GNRH2: variants seen among roughly 807,000 people sequenced by gnomAD.
GNRH2 encodes gonadotropin releasing hormone 2, also known as progonadoliberin-2.
GNRH2 carries 15 observed loss-of-function variants against 12.1 expected under a neutral mutation model. The observed-to-expected ratio is 1.24, with a 90% CI of 0.83 to 1.90. GNRH2 has a LOEUF of 1.90. Ranked by LOEUF, GNRH2 falls within the 40% of genes most tolerant of loss-of-function variation. The pLI is 0.00. For missense variants in GNRH2, 143 were observed against 141.4 expected (o/e 1.01, Z -0.06); for synonymous variants, 60 against 62.0 (o/e 0.97, Z 0.15).
rs753427330 is a variant in GNRH2 at position 3,044,444 on chromosome 20, CCTG to C, written c.40_42del (p.Leu14del). Reference sequence around the variant, plus strand: ...CCAGCTCCAGGCGAGGCCTCCTGCTCCTGCTGCTGCTGACTGCCCACCTTGGAC... The same window carrying C: ...CCAGCTCCAGGCGAGGCCTCCTGCTCCTGCTGCTGACTGCCCACCTTGGAC... On this transcript the variant is annotated inframe_deletion, in exon 2 of 4. Transcript: ENST00000359100. The C allele has an allele frequency of 1.2e-6, 2 of 1,612,316 alleles. No individual in the cohort carries two copies. Among genetic ancestry groups the C allele is most frequent in the Admixed American group, 1.7e-5 (1 of 60,020 alleles).
At chr20:3,044,625 C>T (rs2148554456) in intron 2 of GNRH2, 57 bp downstream of exon 2, 1 of 1,608,464 alleles carries the variant, frequency 6.2e-7, no homozygotes, top group South Asian at 1.1e-5. Flanking sequence ...GGCTCCCCCA[C>T]CCTCCTGGAG....
chr20:3,045,240 A>G (rs1486776857), intron 3 of GNRH2, among the ~76,000 whole-genome samples: 2 of 152,304 alleles, frequency 1.3e-5, no homozygotes, highest in Non-Finnish European at 1.5e-5. Flanking sequence ...AACAGGGCCA[A>G]GAGGACCAGG....
chr20:3,044,657 A>G (rs955556241), intron 2 of GNRH2, 43 bp from the exon 3 acceptor site: 22 of 1,605,404 alleles, frequency 1.4e-5, no homozygotes, highest in Non-Finnish European at 1.8e-5. Flanking sequence ...GGTAGGGAGG[A>G]CAGCATCAGT....
At chr20:3,044,862 A>AT in intron 3 of GNRH2, 26 bp downstream of exon 3, 1 of 1,580,472 alleles carries the variant, frequency 6.3e-7, no homozygotes, top group Non-Finnish European at 8.7e-7. Flanking sequence ...GGTCCCCAGC[A>AT]TCAAGACCAG....
chr20:3,044,939 CACT>C, intron 3 of GNRH2, 103 bp downstream of exon 3: 2 of 877,622 alleles, frequency 2.3e-6, no homozygotes, highest in Admixed American at 4.7e-5. Flanking sequence ...AATGAAACAC[CACT>C]GAGATGCCCC....
intron 3 of GNRH2, 45 bp from the exon 4 acceptor site, chr20:3,045,641 C>G (rs776242208): frequency 2.0e-6 from 3 of 1,538,440 alleles, no homozygotes; most frequent in Non-Finnish European, 1.8e-6. Flanking sequence ...TCGGCGGTTA[C>G]GAGACCAGTG....
chr20:3,044,312 G>A, intron 1 of GNRH2, 96 bp from the exon 2 acceptor site: 1 of 931,898 alleles, frequency 1.1e-6, no homozygotes. Flanking sequence ...TACCAAAGCT[G>A]CCCCTGAGAT....
intron 1 of GNRH2, 86 bp from the exon 2 acceptor site, chr20:3,044,322 T>G: frequency 9.4e-7 from 1 of 1,069,454 alleles, no homozygotes; most frequent in South Asian, 1.3e-5. Context: ...GCCCCTGAGA[T>G]GCCAGTTTTC....
intron 3 of GNRH2, among the ~76,000 whole-genome samples, chr20:3,045,183 C>T: frequency 6.6e-6 from 1 of 151,962 alleles, no homozygotes; most frequent in African/African-American, 2.4e-5. Context: ...TGGACAGACC[C>T]CAGGCCAGTG....
At chr20:3,045,652 T>C in intron 3 of GNRH2, 34 bp from the exon 4 acceptor site, 1 of 1,583,768 alleles carries the variant, frequency 6.3e-7, no homozygotes, top group Non-Finnish European at 8.7e-7. Context: ...GAGACCAGTG[T>C]CCTGAGACAT....
In GNRH2 at chr20:3,045,695, C is replaced by T. The variant is rs1332840753; in HGVS notation, c.301C>T (p.Arg101Ter). The T allele has an allele frequency of 5.7e-6, 9 of 1,591,638 alleles. No homozygotes were observed. Among genetic ancestry groups the T allele is most frequent in the Non-Finnish European group, 7.7e-6 (9 of 1,165,616 alleles). Reference sequence around the variant, plus strand: ...ACCTCTCCCTCCGCAGACCGCAGCCCGAGAGCCCCGCCCCGCCCCGCCATC... The same window carrying T: ...ACCTCTCCCTCCGCAGACCGCAGCCTGAGAGCCCCGCCCCGCCCCGCCATC... Reference protein sequence around the residue: ...HLARTLLTAAREPRPAPPSSN... With the variant: ...HLARTLLTAA Residue 101 changes from arginine to a stop codon, truncating the protein, a stop_gained, in exon 4 of 4, where the codon CGA becomes TGA. Coordinates refer to ENST00000359100, the MANE Select transcript of GNRH2 (RefSeq NM_178331.2). LOFTEE classifies it low-confidence loss of function (END_TRUNC).
intron 3 of GNRH2, among the ~76,000 whole-genome samples, chr20:3,045,429 A>T (rs983026414): frequency 6.6e-6 from 1 of 152,174 alleles, no homozygotes; most frequent in African/African-American, 2.4e-5. Flanking sequence ...GCAATGTCTT[A>T]CCGCCTGATT....
At position 3,044,575 on chromosome 20, in the gene GNRH2, G is replaced by A. The variant is rs1568718447; in HGVS notation, c.154+7G>A. On this transcript the variant is annotated splice_region_variant and intron_variant, in intron 2 of 3. Coordinates refer to ENST00000359100, the MANE Select transcript of GNRH2 (RefSeq NM_178331.2). The stretch of plus-strand genomic sequence containing the variant: ...AATGCCCTTAGGCCCCCAGGTGGGT[G>A]TCTCCCAGCCTCATGGGGAGGAAGA... 1.9e-6 allele frequency: 3 copies of A among 1,613,552 alleles called. No individual in the cohort carries two copies. In the Admixed American group the frequency reaches 5.0e-5, roughly 27 times the overall value.
rs2065957215 is a variant in GNRH2, at chr20:3,043,666, G to A, written c.-8+1G>A. 6.6e-6 allele frequency: 1 copy of A among 152,354 alleles called. No homozygotes were observed. The highest frequency in any genetic ancestry group is 6.5e-5 in the Admixed American group (1 of 15,288). 9.4% of individuals were successfully genotyped at this position (152,354 alleles called of 1,614,324 possible). A position where few individuals can be genotyped will look rare whatever the true frequency, so the allele number is the denominator to read the frequency against. On this transcript the variant is annotated splice_donor_variant, in intron 1 of 3. Transcript: ENST00000359100. LOFTEE classifies it low-confidence loss of function (5UTR_SPLICE). ...CCATCTCATCCACAGCTCTTCCTTG[G>A]TGAGTGGGGAGCCTTCCCTAAGGGC...
chr20:3,045,524 A>C (rs1335765760), intron 3 of GNRH2, among the ~76,000 whole-genome samples, 162 bp from the exon 4 acceptor site: 2 of 150,926 alleles, frequency 1.3e-5, no homozygotes, highest in Non-Finnish European at 3.0e-5. Flanking sequence ...AGATCCCCAC[A>C]CTAGCTGGAT....
chr20:3,044,658 C>T (rs1375011441), intron 2 of GNRH2, 42 bp from the exon 3 acceptor site: 6 of 1,605,328 alleles, frequency 3.7e-6, no homozygotes, highest in Non-Finnish European at 5.1e-6. Flanking sequence ...GTAGGGAGGA[C>T]AGCATCAGTT....
chr20:3,044,899 C>CT, intron 3 of GNRH2, 63 bp downstream of exon 3: 1 of 1,412,618 alleles, frequency 7.1e-7, no homozygotes. Flanking sequence ...GCCATTGTGG[C>CT]TTAGGGTTGG....
chr20:3,045,583 A>G (rs958702412), intron 3 of GNRH2, 103 bp from the exon 4 acceptor site: 1 of 974,046 alleles, frequency 1.0e-6, no homozygotes, highest in Non-Finnish European at 1.6e-6. Flanking sequence ...GGGAGGCCAC[A>G]TGGGGACTGG....
At position 3,045,715 on chromosome 20, in the gene GNRH2, G is replaced by A; in HGVS notation, c.321G>A (p.Pro107=). 3.2e-6 allele frequency: 5 copies of A among 1,567,888 alleles called. No homozygotes were observed. The highest frequency in any genetic ancestry group is 1.1e-5 in the South Asian group (1 of 89,392). ...LTAAREPRPA[P]PSSNKV ...CAGCCCGAGAGCCCCGCCCCGCCCC[G>A]CCATCCTCCAATAAAGTGTGAGGTT... is the stretch of plus-strand genomic sequence containing the variant. Residue 107 remains proline (P), a synonymous_variant, in exon 4 of 4, where the codon CCG becomes CCA. Coordinates refer to ENST00000359100, the MANE Select transcript of GNRH2 (RefSeq NM_178331.2).
Sources: gnomAD v4.1 joint callset for allele counts (sites outside exome capture counted in the v4.1 genomes callset) on GRCh38, gnomAD v4.1.1 for gene constraint, MANE v1.5 for transcripts, NCBI Gene and HGNC (gene_info 2026-07-23, HGNC 2026-07-21) for gene names.